STAU1: variants seen among roughly 807,000 people sequenced by gnomAD.
STAU1 encodes the protein staufen double-stranded RNA binding protein 1.
A neutral mutation model predicts 62.9 loss-of-function variants in STAU1; 13 were observed. The observed-to-expected ratio is 0.21, with a 90% confidence interval of 0.13 to 0.33. The LOEUF is 0.33. STAU1 is among the 10% of genes least tolerant of loss of function. The pLI is 1.00. For synonymous variants in STAU1, 269 were observed against 265.1 expected (o/e 1.01, Z -0.14); for missense variants, 571 against 712.1 (o/e 0.80, Z 2.25).
At chr20:49,124,736 G>C (rs992407820) in intron 6 of STAU1, 149 bp from the exon 7 acceptor site, 1 of 768,488 alleles carries the variant, frequency 1.3e-6, no homozygotes, top group Non-Finnish European at 2.1e-6. Context: ...CATTTCAAAT[G>C]CTTTCTCGCC....
upstream of STAU1, among the ~76,000 whole-genome samples, chr20:49,193,098 T>G (rs749531427): frequency 5.3e-5 from 8 of 152,130 alleles, no homozygotes; most frequent in Admixed American, 1.3e-4. Context: ...ATTTCAAGGC[T>G]GGGTGCAGTG....
intron 8 of STAU1, 60 bp from the exon 9 acceptor site, chr20:49,120,188 G>A: frequency 1.9e-6 from 3 of 1,546,354 alleles, no homozygotes; most frequent in African/African-American, 1.4e-5. Flanking sequence ...CAACCAGGCA[G>A]GAATTGGTGT....
chr20:49,180,371 T>G lies in STAU1; in HGVS notation c.-159-6102A>C, dbSNP rs893098853. 2.0e-5 allele frequency among the ~76,000 whole-genome samples: 3 copies of G among 151,182 alleles called. No individual in the cohort carries two copies. In the East Asian group the frequency reaches 5.8e-4, roughly 29 times the overall value. On this transcript the variant is annotated intron_variant, in intron 1 of 13. Transcript: ENST00000371856. Reference sequence around the variant, plus strand: ...CAGAGTCTTGCTCTGTTGCCCAGGCTGAAGTGCAGCGGCACGATGTCAGGT... The same window carrying G: ...CAGAGTCTTGCTCTGTTGCCCAGGCGGAAGTGCAGCGGCACGATGTCAGGT...
intron 6 of STAU1, among the ~76,000 whole-genome samples, 191 bp downstream of exon 6, chr20:49,135,642 T>C (rs1037789772): frequency 5.9e-5 from 9 of 152,200 alleles, no homozygotes; most frequent in African/African-American, 1.7e-4. Flanking sequence ...CATCCATGAA[T>C]GCCCCTTAGT....
rs1375966614 is a variant in STAU1 at position 49,117,316 on chromosome 20, C to T, written c.1510-68G>A. 6.4e-6 allele frequency: 10 copies of T among 1,572,914 alleles called. No individual in the cohort carries two copies. Among genetic ancestry groups the T allele is most frequent in the Non-Finnish European group, 8.7e-6 (10 of 1,152,466 alleles). ...GTATGAGTGGGCTGGAGGGCTGCAG[C>T]TCCAGGCCCCACAAGCAAGATCACC... On this transcript the variant is annotated intron_variant, in intron 11 of 13. Coordinates refer to ENST00000371856, the MANE Select transcript of STAU1 (RefSeq NM_017453.4). This position sits in a 1 kb window ranked among gnomAD's most constrained non-coding sequence, Gnocchi z 4.6.
At chr20:49,167,770 T>TC (rs530932659) in intron 2 of STAU1, among the ~76,000 whole-genome samples, 2 of 152,316 alleles carry the variant, frequency 1.3e-5, no homozygotes, top group Non-Finnish European at 2.9e-5. Flanking sequence ...ATTTATTCAC[T>TC]CACTCCTCCT....
the STAU1 span, among the ~76,000 whole-genome samples, chr20:49,194,226 G>C: frequency 1.3e-5 from 2 of 151,832 alleles, no homozygotes; most frequent in African/African-American, 4.8e-5. Context: ...ATTGGGACTT[G>C]AGAGACCAGC....
chr20:49,134,928 A>G (rs2092841157), intron 6 of STAU1: 1 of 1,596,674 alleles, frequency 6.3e-7, no homozygotes, highest in African/African-American at 1.3e-5. Context: ...GAAGTTTTCG[A>G]CCCTAAGAAT....
At chr20:49,199,006 C>T in the STAU1 span, among the ~76,000 whole-genome samples, 3 of 151,130 alleles carry the variant, frequency 2.0e-5, no homozygotes, top group South Asian at 2.1e-4. Flanking sequence ...ATTAGCTGGG[C>T]GTGGTGGTGG....
rs531591103 is a variant in STAU1, at chr20:49,154,175, CT to C, written c.206-105del. On this transcript the variant is annotated intron_variant, in intron 3 of 13. Transcript: ENST00000371856. Reference sequence around the variant, plus strand: ...CTTTCTGCTAATTGGATTCATGATACTTTACATAAAAGGACCTGGGTGGCTC... The same window carrying C: ...CTTTCTGCTAATTGGATTCATGATACTTACATAAAAGGACCTGGGTGGCTC... 4,992 of 1,263,878 alleles carry C rather than the reference CT, an allele frequency of 3.9e-3. 15 individuals carry two copies. Among genetic ancestry groups the C allele is most frequent in the Non-Finnish European group, 4.7e-3 (4,339 of 929,538 alleles). 78.3% of individuals were successfully genotyped at this position (1,263,878 alleles called of 1,614,324 possible).
the STAU1 span, among the ~76,000 whole-genome samples, chr20:49,211,979 T>C: frequency 6.6e-6 from 1 of 152,220 alleles, no homozygotes; most frequent in Non-Finnish European, 1.5e-5. Flanking sequence ...CATATCTTCA[T>C]GAACAGTTGG....
chr20:49,202,136 C>T, the STAU1 span, among the ~76,000 whole-genome samples: 2 of 150,114 alleles, frequency 1.3e-5, no homozygotes, highest in South Asian at 2.1e-4. Context: ...AGGAGAATGG[C>T]GTGAACCCGG....
At chr20:49,139,430 A>G (rs569975365) in intron 5 of STAU1, among the ~76,000 whole-genome samples, 1 of 152,326 alleles carries the variant, frequency 6.6e-6, no homozygotes, top group East Asian at 1.9e-4. Context: ...TCTCTAAAGA[A>G]ATACAAATAG....
upstream of STAU1, among the ~76,000 whole-genome samples, chr20:49,190,372 C>T (rs2093829782): frequency 1.3e-5 from 2 of 152,202 alleles, no homozygotes; most frequent in South Asian, 4.1e-4. Context: ...CAGCCTCAAC[C>T]TCCTGAGCTC....
chr20:49,134,555 A>C, intron 6 of STAU1: 4 of 1,290,098 alleles, frequency 3.1e-6, no homozygotes, highest in Non-Finnish European at 4.5e-6. Context: ...ACCTATCAGA[A>C]GTCAATTCAA....
chr20:49,178,296 AC>A (rs1466825930), intron 1 of STAU1, among the ~76,000 whole-genome samples: 9 of 152,142 alleles, frequency 5.9e-5, no homozygotes, highest in African/African-American at 2.2e-4. Context: ...GTGCACACTT[AC>A]CACTGCAATT....
rs529598073 is a variant in STAU1 at position 49,126,687 on chromosome 20, A to C, written c.610-2100T>G. ...ACACTACCAGATTTTAAAACTTCCT[A>C]TAAAGTCACAACAACTAGGATATGG... On this transcript the variant is annotated intron_variant, in intron 6 of 13. Transcript: ENST00000371856. 2.0e-5 allele frequency among the ~76,000 whole-genome samples: 3 copies of C among 151,958 alleles called. No individual in the cohort carries two copies. In the East Asian group the frequency reaches 5.8e-4, roughly 29 times the overall value.
chr20:49,115,538 T>C (rs1027896818), intron 13 of STAU1, among the ~76,000 whole-genome samples: 1 of 152,138 alleles, frequency 6.6e-6, no homozygotes, highest in African/African-American at 2.4e-5. Context: ...TGACACCTCA[T>C]GATCCACCTG....
intron 6 of STAU1, among the ~76,000 whole-genome samples, chr20:49,129,280 A>ATTTTTTTTTTTTTT (rs71184264): frequency 2.3e-5 from 2 of 87,928 alleles, no homozygotes; most frequent in African/African-American, 9.4e-5. Context: ...TTAAAAAAAA[A>ATTTTTTTTTTTTTT]TTTTTTTTTT....
Sources: allele counts gnomAD v4.1 joint callset (sites outside exome capture counted in the v4.1 genomes callset), GRCh38; gene constraint gnomAD v4.1.1; non-coding constraint Gnocchi (gnomAD v3.1); transcripts MANE v1.5; gene names NCBI Gene and HGNC (gene_info 2026-07-23, HGNC 2026-07-21).